PFKP: variants seen among roughly 807,000 people sequenced by gnomAD.
PFKP encodes phosphofructokinase, platelet.
PFKP carries 101 observed loss-of-function variants against 94.3 expected under a neutral mutation model. The observed-to-expected ratio is 1.07, with a 90% CI of 0.91 to 1.26. PFKP has a LOEUF of 1.26. PFKP is among the 50% of genes most tolerant of loss of function. The pLI is 0.00. For synonymous variants in PFKP, 573 were observed against 432.6 expected (o/e 1.32, Z -4.03); for missense variants, 1,145 against 1,103.3 (o/e 1.04, Z -0.53).
chr10:3,101,106 A>C, intron 3 of PFKP: 1 of 939,340 alleles, frequency 1.1e-6, no homozygotes, highest in Non-Finnish European at 1.7e-6. Context: ...CATGTATTTA[A>C]CTGCTGGCTG....
At chr10:3,127,994 C>T (rs762787686) in intron 16 of PFKP, among the ~76,000 whole-genome samples, 4 of 150,472 alleles carry the variant, frequency 2.7e-5, no homozygotes, top group African/African-American at 9.8e-5. Context: ...CAGACTCTCA[C>T]GTGGCTCCTA....
chr10:3,120,333 C>T (rs3814590), intron 16 of PFKP, among the ~76,000 whole-genome samples: 24,878 of 151,402 alleles, frequency 0.16, 2,433 homozygotes, highest in East Asian at 0.41. Flanking sequence ...AGGGCTGGGT[C>T]GCAGTCTCCT....
intron 2 of PFKP, among the ~76,000 whole-genome samples, chr10:3,096,010 A>C (rs1834449245): frequency 6.6e-6 from 1 of 152,208 alleles, no homozygotes; most frequent in Non-Finnish European, 1.5e-5. Context: ...TAATGAAATT[A>C]CTTTCAGAGA....
chr10:3,130,963 A>G (rs951220825), intron 17 of PFKP, among the ~76,000 whole-genome samples: 8 of 152,192 alleles, frequency 5.3e-5, no homozygotes, highest in Non-Finnish European at 1.2e-4. Flanking sequence ...GAATTTCTTT[A>G]CCATGTCAAA....
intron 2 of PFKP, among the ~76,000 whole-genome samples, chr10:3,083,284 G>A (rs1325277870): frequency 1.3e-5 from 2 of 152,178 alleles, no homozygotes; most frequent in Non-Finnish European, 2.9e-5. Context: ...GTGACTCCCT[G>A]TCTGCCACTT....
chr10:3,126,960 G>T lies in PFKP; in HGVS notation c.1684-2859G>T, dbSNP rs569144139. ...AGTGCCACTCACAGCTGCTGTCCAC[G>T]TGCCAGCCCTGGGACACAGCCCTCT... On this transcript the variant is annotated intron_variant, in intron 16 of 21. Coordinates refer to ENST00000381125, the MANE Select transcript of PFKP (RefSeq NM_002627.5). Among the ~76,000 whole-genome samples the T allele has an allele frequency of 3.9e-5, 6 of 152,374 alleles. 1 individual carries two copies. In the South Asian group the frequency reaches 1.2e-3, roughly 32 times the overall value.
chr10:3,097,632 A>G (rs1240085885), intron 2 of PFKP, among the ~76,000 whole-genome samples: 1 of 152,040 alleles, frequency 6.6e-6, no homozygotes, highest in Non-Finnish European at 1.5e-5. Flanking sequence ...GCTGAAATGA[A>G]CCAGCTCTGT....
At chr10:3,103,983 C>T (rs1334375574) in intron 5 of PFKP, 39 bp downstream of exon 5, 4 of 1,594,432 alleles carry the variant, frequency 2.5e-6, no homozygotes, top group Non-Finnish European at 3.4e-6. Context: ...GCCAGTGGGG[C>T]CCGACGTGTG....
At chr10:3,106,155 C>T (rs889414248) in intron 7 of PFKP, among the ~76,000 whole-genome samples, 6 of 152,160 alleles carry the variant, frequency 3.9e-5, no homozygotes, top group Non-Finnish European at 7.4e-5. Flanking sequence ...CTGGGAGGGC[C>T]GGGGAGGAGT....
intron 16 of PFKP, among the ~76,000 whole-genome samples, chr10:3,128,194 G>A (rs1376996806): frequency 6.6e-6 from 1 of 152,232 alleles, no homozygotes; most frequent in African/African-American, 2.4e-5. Context: ...GGGTGCTGCT[G>A]ATGGTGCACT....
chr10:3,091,776 ACT>A, intron 2 of PFKP, among the ~76,000 whole-genome samples: 1 of 152,012 alleles, frequency 6.6e-6, no homozygotes, highest in Non-Finnish European at 1.5e-5. Context: ...ACAGAGCGAG[ACT>A]GTGTCAAAAA....
intron 19 of PFKP, 139 bp from the exon 20 acceptor site, chr10:3,134,344 A>T (rs1838955989): frequency 1.6e-6 from 1 of 620,034 alleles, no homozygotes; most frequent in African/African-American, 1.8e-5. Context: ...GGCTACGGGA[A>T]TCACAGGTTT....
Position 3,091,972 on chromosome 10 carries a change from A to G in PFKP, c.187-7303A>G, listed in dbSNP as rs115683566. Among the ~76,000 whole-genome samples, 472 of 152,296 alleles carry G rather than the reference A, an allele frequency of 3.1e-3. 4 individuals carry two copies. The highest frequency in any genetic ancestry group is 0.01 in the African/African-American group (424 of 41,566). On this transcript the variant is annotated intron_variant, in intron 2 of 21. Coordinates refer to ENST00000381125, the MANE Select transcript of PFKP (RefSeq NM_002627.5). ...TTCCATGATTAAAAATAACACATTC[A>G]AAAGGTGTCAGATAAGTGATGCCTT...
At chr10:3,132,595 T>C (rs943206905) in intron 18 of PFKP, among the ~76,000 whole-genome samples, 154 bp downstream of exon 18, 4 of 151,606 alleles carry the variant, frequency 2.6e-5, no homozygotes, top group South Asian at 2.1e-4. Flanking sequence ...CTGTGGTGCA[T>C]TGCTCTAAAG....
At chr10:3,075,619 A>T (rs1197076769) in intron 1 of PFKP, among the ~76,000 whole-genome samples, 1 of 142,176 alleles carries the variant, frequency 7.0e-6, no homozygotes, top group African/African-American at 2.7e-5. Flanking sequence ...GGAGTGGGGG[A>T]CTCTGGGTGC....
At chr10:3,134,627 G>A (rs376001290) in intron 20 of PFKP, 45 bp downstream of exon 20, 77 of 1,249,810 alleles carry the variant, frequency 6.2e-5, no homozygotes, top group Non-Finnish European at 7.8e-5. Context: ...GATGCAGGCC[G>A]TCCTGCCTTG....
At chr10:3,113,271 T>G in intron 12 of PFKP, 83 bp downstream of exon 12, 1 of 1,575,532 alleles carries the variant, frequency 6.3e-7, no homozygotes, top group Non-Finnish European at 8.7e-7. Flanking sequence ...TGAGGCCACC[T>G]GTTTTCAGGC....
At chr10:3,118,700 C>A in intron 14 of PFKP, 82 bp from the exon 15 acceptor site, 2 of 918,938 alleles carry the variant, frequency 2.2e-6, no homozygotes, top group Non-Finnish European at 3.5e-6. Context: ...GGGAAGGCGG[C>A]CGGGTGGGGA....
intron 21 of PFKP, among the ~76,000 whole-genome samples, 182 bp downstream of exon 21, chr10:3,136,020 C>G (rs1332940116): frequency 6.6e-6 from 1 of 152,126 alleles, no homozygotes; most frequent in African/African-American, 2.4e-5. Flanking sequence ...AATCCCAGCA[C>G]TGTGGGAGGC....
Sources: allele counts gnomAD v4.1 joint callset (sites outside exome capture counted in the v4.1 genomes callset), GRCh38; gene constraint gnomAD v4.1.1; transcripts MANE v1.5; gene names NCBI Gene and HGNC (gene_info 2026-07-23, HGNC 2026-07-21).